Variants in SWAP70 observed in about 807,000 individuals in gnomAD.
SWAP70 encodes the protein switch-associated protein 70.
SWAP70 carries 34 observed loss-of-function variants against 80.2 expected under a neutral mutation model. That is an observed-to-expected ratio of 0.42 (90% CI 0.32 to 0.56). The LOEUF is 0.56. Ranked by LOEUF, SWAP70 falls within the 20% of genes least tolerant of loss-of-function variation. The pLI, the probability that SWAP70 is intolerant of heterozygous loss-of-function variation, is 0.09. For synonymous variants in SWAP70, 239 were observed against 238.5 expected, an observed-to-expected ratio of 1.00 and a Z score of -0.02; for missense variants, 578 against 690.7, an observed-to-expected ratio of 0.84 and a Z score of 1.83.
chr11:9,749,268 A>T, intron 11 of SWAP70, 85 bp downstream of exon 11: 3 of 716,286 alleles, frequency 4.2e-6, no homozygotes, highest in Non-Finnish European at 5.5e-6. Flanking sequence ...TTTGAGATGG[A>T]GTCTCGCTCT....
At chr11:9,721,583 C>T (rs1851138589) in intron 3 of SWAP70, among the ~76,000 whole-genome samples, 1 of 151,498 alleles carries the variant, frequency 6.6e-6, no homozygotes, top group African/African-American at 2.4e-5. Flanking sequence ...GCAGTCTTCC[C>T]TGTTTAGCCT....
At chr11:9,725,557 ATATATATATATATTTTTTT>A (rs1851206664) in intron 4 of SWAP70, among the ~76,000 whole-genome samples, 1 of 10,298 alleles carries the variant, frequency 9.7e-5, no homozygotes, top group African/African-American at 3.2e-4. Flanking sequence ...ATATATATAT[ATATATATATATATTTTTTT>A]TTTTTTTTTT....
chr11:9,681,087 A>G (rs1184599877), intron 1 of SWAP70: 1 of 153,550 alleles, frequency 6.5e-6, no homozygotes, highest in East Asian at 1.9e-4. Flanking sequence ...CATCCTCGAT[A>G]GAGGAGGACC....
At chr11:9,722,836 G>C (rs1851157393) in intron 3 of SWAP70, among the ~76,000 whole-genome samples, 1 of 152,166 alleles carries the variant, frequency 6.6e-6, no homozygotes, top group African/African-American at 2.4e-5. Context: ...CATGTGCTAA[G>C]GAATAGTTTT....
chr11:9,676,142 T>C (rs1850497752), intron 1 of SWAP70, among the ~76,000 whole-genome samples: 1 of 152,202 alleles, frequency 6.6e-6, no homozygotes, highest in Non-Finnish European at 1.5e-5. Context: ...TCATGAATAG[T>C]CCTTTCTTAG....
At position 9,664,136 on chromosome 11, in the gene SWAP70, G is replaced by C; in HGVS notation, c.-44G>C. The C allele has an allele frequency of 6.6e-7, 1 of 1,524,736 alleles. No homozygotes were observed. Among genetic ancestry groups the C allele is most frequent in the East Asian group, 2.6e-5 (1 of 38,226 alleles). 94.5% of individuals were successfully genotyped at this position (1,524,736 alleles called of 1,614,324 possible). ...TGAGGGGCGTCCGAGGCGCGGAGGGGCTGGCTGGGCAGGAGGGGTTGGCGG... is the reference window on the plus strand; with the variant it reads ...TGAGGGGCGTCCGAGGCGCGGAGGGCCTGGCTGGGCAGGAGGGGTTGGCGG... On this transcript the variant is annotated 5_prime_UTR_variant, in exon 1 of 12. Coordinates refer to ENST00000318950, the MANE Select transcript of SWAP70 (RefSeq NM_015055.4).
intron 9 of SWAP70, 71 bp downstream of exon 9, chr11:9,740,418 A>G: frequency 6.8e-7 from 1 of 1,467,542 alleles, no homozygotes; most frequent in Non-Finnish European, 9.5e-7. Flanking sequence ...TGGAATGACT[A>G]ACACTCTGGT....
At chr11:9,689,821 C>T (rs370849290) in intron 1 of SWAP70, among the ~76,000 whole-genome samples, 38 of 152,320 alleles carry the variant, frequency 2.5e-4, no homozygotes, top group African/African-American at 9.1e-4. Flanking sequence ...GCCACTGGCA[C>T]TAACTTGGCT....
chr11:9,724,912 T>TC lies in SWAP70; in HGVS notation c.642+28dup, dbSNP rs1851188324. On this transcript the variant is annotated intron_variant, in intron 4 of 11. Transcript: ENST00000318950. ...TAAGAATTCTGTTACTGTTTTTTTT[T>TC]CTCATCTTTAGAATTTGACATTTTA... The TC allele has an allele frequency of 2.1e-6, 3 of 1,421,474 alleles. No homozygotes were observed. The African/African-American group carries it at 4.3e-5, about 20-fold the overall frequency. 88.1% of individuals were successfully genotyped at this position (1,421,474 alleles called of 1,614,324 possible).
intron 1 of SWAP70, among the ~76,000 whole-genome samples, chr11:9,676,889 G>A (rs996052382): frequency 3.9e-5 from 6 of 152,002 alleles, no homozygotes; most frequent in Non-Finnish European, 8.8e-5. Flanking sequence ...TCCTGACCTC[G>A]TGATCCGCCT....
chr11:9,732,191 T>TA (rs1851306666), intron 6 of SWAP70, among the ~76,000 whole-genome samples: 1 of 152,208 alleles, frequency 6.6e-6, no homozygotes. Context: ...CATTAGTTCT[T>TA]AAAAATGTGT....
chr11:9,670,063 G>A (rs1403864486), intron 1 of SWAP70, among the ~76,000 whole-genome samples: 1 of 152,288 alleles, frequency 6.6e-6, no homozygotes, highest in East Asian at 1.9e-4. Context: ...GGAGGCGGAG[G>A]TTGCAGTGAG....
intron 1 of SWAP70, among the ~76,000 whole-genome samples, chr11:9,670,587 C>A (rs568554535): frequency 4.6e-5 from 7 of 151,918 alleles, no homozygotes; most frequent in South Asian, 2.1e-4. Context: ...CATTGACAGT[C>A]TTGGGGAATG....
intron 9 of SWAP70, chr11:9,741,772 A>G (rs776356776): frequency 6.6e-6 from 1 of 152,004 alleles, no homozygotes; most frequent in Admixed American, 6.6e-5. Flanking sequence ...AATTGAAGCC[A>G]GTGGTTTTTT....
intron 1 of SWAP70, among the ~76,000 whole-genome samples, chr11:9,688,054 G>A (rs944798000): frequency 3.9e-5 from 6 of 152,164 alleles, no homozygotes; most frequent in African/African-American, 1.4e-4. Flanking sequence ...GCTAATTATT[G>A]TGTGACTTAG....
At position 9,751,021 on chromosome 11, in the gene SWAP70, A is replaced by G. The variant is rs1167965254; in HGVS notation, c.*1051A>G. 6.6e-6 allele frequency: 1 copy of G among 152,222 alleles called. No individual in the cohort carries two copies. Among genetic ancestry groups the G allele is most frequent in the Non-Finnish European group, 1.5e-5 (1 of 68,034 alleles). The allele number at this position is 152,222 out of a possible 1,614,324, so 9.4% of individuals were successfully genotyped here. On this transcript the variant is annotated 3_prime_UTR_variant, in exon 12 of 12. Transcript: ENST00000318950. ...CTCTCTAGTGAATGATGTGCTACCA[A>G]GTATATGCCAGGCTGTGAGAGGATT...
At chr11:9,727,148 T>C (rs1851235893) in intron 4 of SWAP70, among the ~76,000 whole-genome samples, 1 of 152,138 alleles carries the variant, frequency 6.6e-6, no homozygotes, top group Non-Finnish European at 1.5e-5. Flanking sequence ...CCCAGCACTT[T>C]GGGAGGCTGA....
In SWAP70 at chr11:9,724,904, T is replaced by G. The variant is rs201147207; in HGVS notation, c.642+19T>G. ...AAAGCAGGTAAGAATTCTGTTACTG[T>G]TTTTTTTTCTCATCTTTAGAATTTG... On this transcript the variant is annotated intron_variant, in intron 4 of 11. Coordinates refer to ENST00000318950, the MANE Select transcript of SWAP70 (RefSeq NM_015055.4). 33 of 1,425,700 alleles carry G rather than the reference T, an allele frequency of 2.3e-5. No individual in the cohort carries two copies. In the East Asian group the frequency reaches 4.4e-4, roughly 19 times the overall value. 88.3% of individuals were successfully genotyped at this position (1,425,700 alleles called of 1,614,324 possible). A position where few individuals can be genotyped will look rare whatever the true frequency, so the allele number is the denominator to read the frequency against.
At chr11:9,748,117 A>G (rs1404023494) in intron 10 of SWAP70, 61 bp downstream of exon 10, 3 of 1,526,762 alleles carry the variant, frequency 2.0e-6, no homozygotes, top group Non-Finnish European at 2.7e-6. Flanking sequence ...TTTCTCAATA[A>G]TAGAATTATT....
Sources: allele counts gnomAD v4.1 joint callset (sites outside exome capture counted in the v4.1 genomes callset), GRCh38; gene constraint gnomAD v4.1.1; transcripts MANE v1.5; gene names NCBI Gene and HGNC (gene_info 2026-07-23, HGNC 2026-07-21).